FGF14: variants seen among roughly 807,000 people sequenced by gnomAD.
FGF14 encodes the protein fibroblast growth factor 14, also known as fibroblast growth factor homologous factor 4.
A neutral mutation model predicts 25.5 loss-of-function variants in FGF14; 5 were observed. The ratio of observed to expected loss-of-function variants is 0.20; its 90% CI spans 0.10 to 0.41. The LOEUF (loss-of-function observed/expected upper bound fraction) is 0.41, where lower values mean the gene tolerates loss of function less well. Ranked by LOEUF, FGF14 falls within the 10% of genes least tolerant of loss-of-function variation. FGF14 has a pLI of 1.00. For synonymous variants in FGF14, 138 were observed against 118.3 expected, an observed-to-expected ratio of 1.17 and a Z score of -1.08; for missense variants, 222 against 320.1, an observed-to-expected ratio of 0.69 and a Z score of 2.34.
At chr13:102,021,055 A>T (rs185106383) in intron 1 of FGF14, among the ~76,000 whole-genome samples, 1 of 152,128 alleles carries the variant, frequency 6.6e-6, no homozygotes, top group African/African-American at 2.4e-5. Context: ...ATGACAAGCT[A>T]GGGGTATGAC....
At chr13:101,826,614 G>A (rs2042404243) in intron 3 of FGF14, among the ~76,000 whole-genome samples, 1 of 151,938 alleles carries the variant, frequency 6.6e-6, no homozygotes, top group Non-Finnish European at 1.5e-5. Context: ...AAATAGAAAT[G>A]TCTTATATTC....
intron 1 of FGF14, among the ~76,000 whole-genome samples, chr13:102,012,407 G>A (rs750132490): frequency 3.9e-5 from 6 of 152,126 alleles, no homozygotes; most frequent in Non-Finnish European, 5.9e-5. Context: ...GCAGGCCTTT[G>A]TTATGTCTGG....
chr13:102,203,400 G>A (rs896923100), intron 1 of FGF14, among the ~76,000 whole-genome samples: 4 of 152,066 alleles, frequency 2.6e-5, no homozygotes, highest in African/African-American at 9.7e-5. Flanking sequence ...AGATATTAGC[G>A]CAACTATAGA....
chr13:102,099,997 T>C (rs2044584258), intron 1 of FGF14, among the ~76,000 whole-genome samples: 1 of 152,082 alleles, frequency 6.6e-6, no homozygotes, highest in Non-Finnish European at 1.5e-5. Context: ...AATTGAGGCT[T>C]AGACAACTAT....
intron 1 of FGF14, among the ~76,000 whole-genome samples, chr13:102,156,164 C>T (rs1001440819): frequency 6.6e-6 from 1 of 152,114 alleles, no homozygotes; most frequent in Non-Finnish European, 1.5e-5. Flanking sequence ...TTTTATGAGG[C>T]CAGCATCATC....
chr13:102,052,623 T>C (rs1057006543), intron 1 of FGF14, among the ~76,000 whole-genome samples: 1 of 151,162 alleles, frequency 6.6e-6, no homozygotes, highest in Non-Finnish European at 1.5e-5. Flanking sequence ...AAAAGTGAAA[T>C]GATAGATTTG....
chr13:101,982,548 C>T (rs573593046), intron 1 of FGF14, among the ~76,000 whole-genome samples: 49 of 152,284 alleles, frequency 3.2e-4, no homozygotes, highest in African/African-American at 1.1e-3. Context: ...GAATGTCTAA[C>T]TTGTAGGATA....
intron 1 of FGF14, among the ~76,000 whole-genome samples, chr13:102,005,567 TATG>T (rs1361663878): frequency 1.3e-5 from 2 of 152,154 alleles, no homozygotes. Context: ...CACAAGCAAA[TATG>T]ATATTTACAA....
At chr13:102,146,138 T>G (rs373067265) in intron 1 of FGF14, among the ~76,000 whole-genome samples, 5 of 152,222 alleles carry the variant, frequency 3.3e-5, no homozygotes, top group African/African-American at 1.2e-4. Context: ...CACTTCACAA[T>G]GACTATCAGT....
chr13:102,175,311 T>G (rs2048402388), intron 1 of FGF14, among the ~76,000 whole-genome samples: 1 of 152,118 alleles, frequency 6.6e-6, no homozygotes, highest in African/African-American at 2.4e-5. Context: ...CCAACTGATC[T>G]TTGGAAAAGT....
At chr13:101,802,490 G>A (rs1252327958) in intron 3 of FGF14, 1 of 172,730 alleles carries the variant, frequency 5.8e-6, no homozygotes, top group Admixed American at 6.0e-5. Flanking sequence ...TACTTTAGAG[G>A]AGGAGAGTGC....
chr13:102,013,452 T>C lies in FGF14; in HGVS notation c.209-138156A>G, dbSNP rs140250489. ...CTTCTTGGAAGAAAACACTGTCAAA[T>C]GGTATTTTAGGTTTCTGTCACAAAT... On this transcript the variant is annotated intron_variant, in intron 1 of 4. Transcript: ENST00000376131. 7.6e-3 allele frequency among the ~76,000 whole-genome samples: 1,159 copies of C among 152,340 alleles called. 17 individuals are homozygous for C. Among genetic ancestry groups the C allele is most frequent in the African/African-American group, 0.026 (1,087 of 41,586 alleles).
intron 1 of FGF14, among the ~76,000 whole-genome samples, chr13:102,332,242 A>G (rs1269483978): frequency 6.6e-6 from 1 of 152,204 alleles, no homozygotes; most frequent in Non-Finnish European, 1.5e-5. Context: ...TAAAGATCAC[A>G]TTCTATTTCA....
At chr13:102,342,132 G>A (rs1021591644) in intron 1 of FGF14, among the ~76,000 whole-genome samples, 1 of 152,196 alleles carries the variant, frequency 6.6e-6, no homozygotes, top group Non-Finnish European at 1.5e-5. Context: ...AAAGCCATAA[G>A]TTACGAGGGA....
intron 1 of FGF14, among the ~76,000 whole-genome samples, chr13:102,149,210 A>G (rs1403577978): frequency 1.3e-5 from 2 of 151,866 alleles, no homozygotes; most frequent in Non-Finnish European, 1.5e-5. Context: ...TGCTTTTTAT[A>G]TTTATTAAAA....
chr13:101,793,037 C>T (rs1419393675), intron 3 of FGF14, among the ~76,000 whole-genome samples: 1 of 152,080 alleles, frequency 6.6e-6, no homozygotes, highest in Non-Finnish European at 1.5e-5. Flanking sequence ...GAATTACTCT[C>T]TTAGTGATAT....
At chr13:102,136,689 T>C (rs908996163) in intron 1 of FGF14, among the ~76,000 whole-genome samples, 1 of 149,426 alleles carries the variant, frequency 6.7e-6, no homozygotes, top group African/African-American at 2.5e-5. Flanking sequence ...CTGAGACTGA[T>C]AAAGTTAGTC....
intron 1 of FGF14, among the ~76,000 whole-genome samples, chr13:102,273,916 G>A (rs1351931571): frequency 7.0e-6 from 1 of 143,238 alleles, no homozygotes; most frequent in African/African-American, 2.6e-5. Flanking sequence ...TCCAACCTGG[G>A]AGACAGAGCA....
At chr13:102,302,053 A>G (rs958163182) in intron 1 of FGF14, among the ~76,000 whole-genome samples, 4 of 152,108 alleles carry the variant, frequency 2.6e-5, no homozygotes, top group Non-Finnish European at 5.9e-5. Flanking sequence ...CTCCACCTGT[A>G]TCCCAGATCC....
Sources: gnomAD v4.1 joint callset for allele counts (sites outside exome capture counted in the v4.1 genomes callset) on GRCh38, gnomAD v4.1.1 for gene constraint, MANE v1.5 for transcripts, NCBI Gene and HGNC (gene_info 2026-07-23, HGNC 2026-07-21) for gene names.